The following SLC28A1 variants were observed in gnomAD, a reference collection of about 807,000 sequenced individuals.
SLC28A1 encodes sodium/nucleoside cotransporter 1.
SLC28A1 carries 64 observed loss-of-function variants against 74.8 expected under a neutral mutation model. The ratio of observed to expected loss-of-function variants is 0.86; its 90% CI spans 0.70 to 1.05. The LOEUF (loss-of-function observed/expected upper bound fraction) is 1.05, where lower values mean the gene tolerates loss of function less well. Ranked by LOEUF, SLC28A1 falls within the 50% of genes least tolerant of loss-of-function variation. SLC28A1 has a pLI of 0.00. For synonymous variants in SLC28A1, 359 were observed against 335.0 expected (o/e 1.07, Z -0.78); for missense variants, 828 against 822.8 (o/e 1.01, Z -0.08).
chr15:84,894,868 C>A, intron 5 of SLC28A1, 72 bp from the exon 6 acceptor site: 1 of 1,470,424 alleles, frequency 6.8e-7, no homozygotes, highest in Non-Finnish European at 9.5e-7. Flanking sequence ...AGGTGGAGTC[C>A]GCGGGCGGGG....
intron 6 of SLC28A1, among the ~76,000 whole-genome samples, chr15:84,897,532 T>A (rs1309119778): frequency 6.6e-6 from 1 of 152,272 alleles, no homozygotes; most frequent in African/African-American, 2.4e-5. Context: ...ATGTGCATAG[T>A]TTCAGGGTAT....
intron 10 of SLC28A1, among the ~76,000 whole-genome samples, chr15:84,919,766 G>T (rs544368520): frequency 6.6e-6 from 1 of 152,096 alleles, no homozygotes; most frequent in African/African-American, 2.4e-5. Flanking sequence ...TCTCAACATC[G>T]TTACAATGGC....
chr15:84,934,591 G>A (rs910603318), intron 13 of SLC28A1, among the ~76,000 whole-genome samples: 5 of 152,160 alleles, frequency 3.3e-5, no homozygotes, highest in African/African-American at 4.8e-5. Flanking sequence ...AATGTGAGGC[G>A]CCTGTCATTT....
intron 2 of SLC28A1, 129 bp from the exon 3 acceptor site, chr15:84,887,616 C>T (rs1055787375): frequency 6.5e-7 from 1 of 1,533,848 alleles, no homozygotes; most frequent in Non-Finnish European, 8.8e-7. Context: ...AGGTGGCCCC[C>T]AGGCAGGGCT....
intron 14 of SLC28A1, 35 bp from the exon 15 acceptor site, chr15:84,935,286 A>AGCCCTCGGT: frequency 6.2e-7 from 1 of 1,613,400 alleles, no homozygotes; most frequent in Non-Finnish European, 8.5e-7. Context: ...GCCCAGGCCC[A>AGCCCTCGGT]GCCCTCGGTG....
chr15:84,935,458 C>G lies in SLC28A1; in HGVS notation c.1521C>G (p.Tyr507Ter), dbSNP rs1026751459. 3 of 1,614,092 alleles carry G rather than the reference C, an allele frequency of 1.9e-6. No homozygotes were observed. In the African/African-American group the frequency reaches 4.0e-5, roughly 22 times the overall value. ...EFVAYQDLSK[Y>*]KQRRLAGAEE... Reference sequence around the variant, plus strand: ...TGGCCTATCAAGACCTCTCCAAGTACAAGCAACGCCGCCTGGCAGGGGCCG... The same window carrying G: ...TGGCCTATCAAGACCTCTCCAAGTAGAAGCAACGCCGCCTGGCAGGGGCCG... Residue 507 changes from tyrosine (Y) to a stop codon, truncating the protein, a stop_gained, in exon 15 of 19, where the codon TAC (tyrosine) becomes TAG (stop). Transcript: ENST00000394573. LOFTEE classifies it high-confidence loss of function.
chr15:84,934,919 C>T (rs943687996), intron 13 of SLC28A1, 107 bp from the exon 14 acceptor site: 48 of 954,256 alleles, frequency 5.0e-5, no homozygotes, highest in Non-Finnish European at 4.6e-5. Context: ...ATTAGGATTT[C>T]CCGCTCTGAA....
At chr15:84,900,889 A>AGGAAGGAAGGAG (rs1351329353) in intron 6 of SLC28A1, among the ~76,000 whole-genome samples, 1 of 151,066 alleles carries the variant, frequency 6.6e-6, no homozygotes, top group Non-Finnish European at 1.5e-5. Flanking sequence ...GAAGGAAGGA[A>AGGAAGGAAGGAG]GGAAGGAAGG....
At chr15:84,890,307 T>C in intron 4 of SLC28A1, 136 bp from the exon 5 acceptor site, 1 of 704,614 alleles carries the variant, frequency 1.4e-6, no homozygotes, top group East Asian at 2.7e-5. Flanking sequence ...CCTGCAGCCC[T>C]GTGGGGATGT....
chr15:84,952,656 C>T, the SLC28A1 span, among the ~76,000 whole-genome samples: 4 of 152,194 alleles, frequency 2.6e-5, no homozygotes, highest in African/African-American at 9.7e-5. Context: ...GAGGCCGAGG[C>T]AGGAGAATCG....
chr15:84,911,015 G>A (rs994821137), intron 9 of SLC28A1, among the ~76,000 whole-genome samples: 6 of 152,236 alleles, frequency 3.9e-5, no homozygotes, highest in Admixed American at 2.6e-4. Context: ...GCAGGGCAGA[G>A]TTCAGTGGAT....
At chr15:84,968,104 C>T in the SLC28A1 span, among the ~76,000 whole-genome samples, 1 of 152,136 alleles carries the variant, frequency 6.6e-6, no homozygotes, top group African/African-American at 2.4e-5. Flanking sequence ...TACAGGTAAG[C>T]AGGGCTGGGC....
At chr15:84,890,650 A>T in intron 5 of SLC28A1, 116 bp downstream of exon 5, 1 of 857,854 alleles carries the variant, frequency 1.2e-6, no homozygotes, top group Non-Finnish European at 1.9e-6. Context: ...TTGAGCACCA[A>T]CTCAGGTCCA....
Position 84,912,806 on chromosome 15 carries a change from G to A in SLC28A1, c.795+4011G>A, listed in dbSNP as rs867498888. ...CAACAGTGCCAAATTTTGCGCGCGC[G>A]CACACACACACACACACACACACAC... On this transcript the variant is annotated intron_variant, in intron 9 of 18. Coordinates refer to ENST00000394573, the MANE Select transcript of SLC28A1 (RefSeq NM_004213.5). Among the ~76,000 whole-genome samples, 140 of 112,290 alleles carry A rather than the reference G, an allele frequency of 1.2e-3. 1 individual carries two copies. Among genetic ancestry groups the A allele is most frequent in the East Asian group, 9.6e-3 (35 of 3,632 alleles). The allele number at this position is 112,290 out of a possible 152,430, so 73.7% of individuals were successfully genotyped here. A position where few individuals can be genotyped will look rare whatever the true frequency, so the allele number is the denominator to read the frequency against.
At chr15:84,928,301 A>G (rs2141965487) in intron 12 of SLC28A1, among the ~76,000 whole-genome samples, 1 of 152,074 alleles carries the variant, frequency 6.6e-6, no homozygotes, top group East Asian at 2.0e-4. Flanking sequence ...AGCACCTAAC[A>G]AACAAACCTT....
chr15:84,907,294 T>C (rs1298733934), intron 8 of SLC28A1, among the ~76,000 whole-genome samples: 3 of 152,222 alleles, frequency 2.0e-5, no homozygotes, highest in Non-Finnish European at 4.4e-5. Context: ...ACTTAGAATT[T>C]TTTTTAAATC....
At chr15:84,946,656 T>C (rs369479993), downstream of SLC28A1, among the ~76,000 whole-genome samples, 2 of 152,282 alleles carry the variant, frequency 1.3e-5, no homozygotes, top group African/African-American at 2.4e-5. Flanking sequence ...CAAACTGCGA[T>C]GTGGGGCCTC....
At chr15:84,893,385 C>T (rs11856397) in intron 5 of SLC28A1, among the ~76,000 whole-genome samples, 8,496 of 152,296 alleles carry the variant, frequency 0.056, 309 homozygotes, top group East Asian at 0.13. Context: ...GGGCTCCACC[C>T]GTGTGTCTCA....
the SLC28A1 span, among the ~76,000 whole-genome samples, chr15:84,974,714 A>T: frequency 6.6e-6 from 1 of 152,280 alleles, no homozygotes; most frequent in African/African-American, 2.4e-5. Context: ...TTGTCCAGAT[A>T]TGGATTCCAT....
Sources: allele counts gnomAD v4.1 joint callset (sites outside exome capture counted in the v4.1 genomes callset), GRCh38; gene constraint gnomAD v4.1.1; transcripts MANE v1.5; gene names NCBI Gene and HGNC (gene_info 2026-07-23, HGNC 2026-07-21).